Variants in PARD3 observed in about 807,000 individuals in gnomAD.
PARD3 encodes partitioning defective 3 homolog.
A neutral mutation model predicts 155.4 loss-of-function variants in PARD3; 75 were observed. That is an observed-to-expected ratio of 0.48 (90% CI 0.40 to 0.58). PARD3 has a LOEUF of 0.58. PARD3 is among the 20% of genes least tolerant of loss of function. PARD3 has a pLI of 0.00. For synonymous variants in PARD3, 576 were observed against 610.5 expected, an observed-to-expected ratio of 0.94 and a Z score of 0.83; for missense variants, 1,642 against 1,721.7, an observed-to-expected ratio of 0.95 and a Z score of 0.82.
In PARD3 at chr10:34,741,174, ATTT is replaced by A. The variant is rs71033345; in HGVS notation, c.121-44758_121-44756del. 8.7e-5 allele frequency among the ~76,000 whole-genome samples: 10 copies of A among 114,306 alleles called. No individual in the cohort carries two copies. In the East Asian group the frequency reaches 1.5e-3, roughly 17 times the overall value. The allele number at this position is 114,306 out of a possible 152,430, so 75.0% of individuals were successfully genotyped here. A position where few individuals can be genotyped will look rare whatever the true frequency, so the allele number is the denominator to read the frequency against. ...CAACTGCTGTGTTTTCGTAAACCAA[ATTT>A]TTTTTTTTTTTTTTTTTGTTTGAGA... On this transcript the variant is annotated intron_variant, in intron 1 of 24. Transcript: ENST00000374788.
At chr10:34,575,250 G>A (rs538331741) in intron 2 of PARD3, among the ~76,000 whole-genome samples, 28 of 152,252 alleles carry the variant, frequency 1.8e-4, no homozygotes, top group Middle Eastern at 3.4e-3. Flanking sequence ...TATCTTATGT[G>A]AGGCTTAATA....
chr10:34,650,001 C>A (rs1271554644), intron 2 of PARD3, among the ~76,000 whole-genome samples: 1 of 152,196 alleles, frequency 6.6e-6, no homozygotes, highest in Non-Finnish European at 1.5e-5. Flanking sequence ...TCCACCAGCA[C>A]CTCTGTCCCA....
At chr10:34,660,063 C>T (rs2093281202) in intron 2 of PARD3, among the ~76,000 whole-genome samples, 1 of 152,134 alleles carries the variant, frequency 6.6e-6, no homozygotes, top group Non-Finnish European at 1.5e-5. Context: ...ATTTAAAATG[C>T]ATATGTTTTC....
At chr10:34,565,406 T>A (rs1053816331) in intron 2 of PARD3, among the ~76,000 whole-genome samples, 1 of 151,506 alleles carries the variant, frequency 6.6e-6, no homozygotes, top group Non-Finnish European at 1.5e-5. Flanking sequence ...TAGCTGGGAT[T>A]ACAGGCGTGA....
At chr10:34,216,526 CAG>C in intron 22 of PARD3, among the ~76,000 whole-genome samples, 1 of 152,258 alleles carries the variant, frequency 6.6e-6, no homozygotes. Flanking sequence ...TGACTGCTGG[CAG>C]AGACAGGAAA....
At chr10:34,352,385 T>C (rs1838191583) in intron 14 of PARD3, among the ~76,000 whole-genome samples, 1 of 152,150 alleles carries the variant, frequency 6.6e-6, no homozygotes, top group Non-Finnish European at 1.5e-5. Context: ...ATGGTCTCCC[T>C]CTGATGCCGA....
At chr10:34,673,014 T>G (rs1254882243) in intron 2 of PARD3, among the ~76,000 whole-genome samples, 1 of 152,228 alleles carries the variant, frequency 6.6e-6, no homozygotes, top group Non-Finnish European at 1.5e-5. Context: ...CTATATGTAC[T>G]TCATTTCTCT....
At chr10:34,146,964 C>T (rs139046189) in intron 22 of PARD3, among the ~76,000 whole-genome samples, 2 of 152,192 alleles carry the variant, frequency 1.3e-5, no homozygotes, top group African/African-American at 4.8e-5. Context: ...TTAGAAGAAC[C>T]GAGTGGTAAG....
At chr10:34,745,619 C>T (rs546091725) in intron 1 of PARD3, among the ~76,000 whole-genome samples, 26 of 152,146 alleles carry the variant, frequency 1.7e-4, no homozygotes, top group Non-Finnish European at 3.8e-4. Flanking sequence ...AAGGAAGACT[C>T]GGCAATGTGG....
chr10:34,803,175 G>A lies in PARD3; in HGVS notation c.120+11701C>T, dbSNP rs534686106. On this transcript the variant is annotated intron_variant, in intron 1 of 24. Coordinates refer to ENST00000374788, the MANE Select transcript of PARD3 (RefSeq NM_001184785.2). ...AATCAGTTGAACCCAGGAGACGGAC[G>A]TTGCAGTGAGCCGAGATCAAACCAC... is the stretch of plus-strand genomic sequence containing the variant. Among the ~76,000 whole-genome samples the A allele has an allele frequency of 7.3e-5, 11 of 150,730 alleles. No homozygotes were observed. In the East Asian group the frequency reaches 1.6e-3, roughly 21 times the overall value.
chr10:34,680,634 G>A (rs1231826019), intron 2 of PARD3, among the ~76,000 whole-genome samples: 1 of 151,514 alleles, frequency 6.6e-6, no homozygotes, highest in East Asian at 1.9e-4. Context: ...AACGTTCAAG[G>A]TAACAAGAGG....
chr10:34,733,754 C>T (rs1014773281), intron 1 of PARD3, among the ~76,000 whole-genome samples: 1 of 152,238 alleles, frequency 6.6e-6, no homozygotes, highest in Non-Finnish European at 1.5e-5. Context: ...CTGGTGTTGG[C>T]CTCCCAAAGT....
At chr10:34,454,233 T>C (rs1286068290) in intron 4 of PARD3, among the ~76,000 whole-genome samples, 1 of 152,178 alleles carries the variant, frequency 6.6e-6, no homozygotes, top group African/African-American at 2.4e-5. Flanking sequence ...GTCTACTGCA[T>C]ACAATGTGTA....
At position 34,487,739 on chromosome 10, in the gene PARD3, C is replaced by A. The variant is rs183069037; in HGVS notation, c.404-17476G>T. On this transcript the variant is annotated intron_variant, in intron 3 of 24. Transcript: ENST00000374788. Reference sequence around the variant, plus strand: ...GAGTGGGAGTCAATCTAAATTAATTCTTCACATATAATTTTATAGGTATAT... The same window carrying A: ...GAGTGGGAGTCAATCTAAATTAATTATTCACATATAATTTTATAGGTATAT... 2.8e-4 allele frequency among the ~76,000 whole-genome samples: 42 copies of A among 151,676 alleles called. 1 individual carries two copies. In the East Asian group the frequency reaches 7.4e-3, roughly 27 times the overall value.
At chr10:34,518,676 C>T (rs1385322823) in intron 2 of PARD3, among the ~76,000 whole-genome samples, 4 of 152,122 alleles carry the variant, frequency 2.6e-5, no homozygotes, top group Non-Finnish European at 5.9e-5. Context: ...CTGTTCCCTG[C>T]TGTAGCATTC....
At chr10:34,808,852 T>C (rs901954252) in intron 1 of PARD3, among the ~76,000 whole-genome samples, 8 of 152,190 alleles carry the variant, frequency 5.3e-5, no homozygotes, top group Non-Finnish European at 8.8e-5. Context: ...CCAGATTCTC[T>C]CTGAGAATCT....
At chr10:34,542,963 A>T (rs534442428) in intron 2 of PARD3, among the ~76,000 whole-genome samples, 45 of 152,368 alleles carry the variant, frequency 3.0e-4, no homozygotes, top group Admixed American at 2.1e-3. Context: ...GGCCATGAGA[A>T]CATGCTCAAG....
intron 22 of PARD3, among the ~76,000 whole-genome samples, chr10:34,145,221 A>ATATATT (rs1491430560): frequency 1.8e-4 from 6 of 33,968 alleles, no homozygotes; most frequent in East Asian, 7.8e-4. Context: ...ATATATATAT[A>ATATATT]TTTTTTTTTT....
At chr10:34,354,130 CA>C (rs375279575) in intron 14 of PARD3, among the ~76,000 whole-genome samples, 46 of 101,594 alleles carry the variant, frequency 4.5e-4, no homozygotes, top group South Asian at 7.2e-4. Context: ...TGTCTTTCTT[CA>C]AAAAAAAAAA....
Sources: gnomAD v4.1 joint callset for allele counts (sites outside exome capture counted in the v4.1 genomes callset) on GRCh38, gnomAD v4.1.1 for gene constraint, MANE v1.5 for transcripts, NCBI Gene and HGNC (gene_info 2026-07-23, HGNC 2026-07-21) for gene names.